The following ARHGAP23 variants were observed in gnomAD, a reference collection of about 807,000 sequenced individuals.
The protein encoded by ARHGAP23 is rho GTPase-activating protein 23.
A neutral mutation model predicts 136.3 loss-of-function variants in ARHGAP23; 34 were observed. The observed-to-expected ratio is 0.25, with a 90% confidence interval of 0.19 to 0.33. The LOEUF (loss-of-function observed/expected upper bound fraction) is 0.33. ARHGAP23 is among the 10% of genes least tolerant of loss of function. The pLI, the probability that ARHGAP23 is intolerant of heterozygous loss-of-function variation, is 1.00. For missense variants in ARHGAP23, 1,808 were observed against 2,139.0 expected, an observed-to-expected ratio of 0.85 and a Z score of 3.05; for synonymous variants, 832 against 920.5, an observed-to-expected ratio of 0.90 and a Z score of 1.74.
At chr17:38,440,643 C>A (rs2038900166) in intron 1 of ARHGAP23, among the ~76,000 whole-genome samples, 1 of 152,210 alleles carries the variant, frequency 6.6e-6, no homozygotes, top group African/African-American at 2.4e-5. Flanking sequence ...CTTGGTGGCA[C>A]CCAGTGAACA....
Position 38,511,260 on chromosome 17 carries a change from C to T in ARHGAP23, c.*288C>T, listed in dbSNP as rs1313947824. The T allele has an allele frequency of 5.4e-6, 2 of 370,352 alleles. No homozygotes were observed. The highest frequency in any genetic ancestry group is 4.8e-6 in the Non-Finnish European group (1 of 208,672). 22.9% of individuals were successfully genotyped at this position (370,352 alleles called of 1,614,324 possible). ...GCACACATGCGCCCGATAGGTCCTT[C>T]TGAGCCTTTCTGTGGCTGCACTTGG... On this transcript the variant is annotated 3_prime_UTR_variant, in exon 24 of 24. Transcript: ENST00000622683.
At position 38,497,765 on chromosome 17, in the gene ARHGAP23, T is replaced by C; in HGVS notation, c.3277-20T>C. Reference sequence around the variant, plus strand: ...TCTTTCCCATGCTGATTTCATCCCTTCCTTTTGTCTTCTCTGCAGTCAGAC... The same window carrying C: ...TCTTTCCCATGCTGATTTCATCCCTCCCTTTTGTCTTCTCTGCAGTCAGAC... On this transcript the variant is annotated intron_variant, in intron 20 of 23. Coordinates refer to ENST00000622683, the MANE Select transcript of ARHGAP23 (RefSeq NM_001199417.2). 1 of 1,550,328 alleles carries C rather than the reference T, an allele frequency of 6.5e-7. No individual in the cohort carries two copies. The highest frequency in any genetic ancestry group is 8.7e-7 in the Non-Finnish European group (1 of 1,146,310).
intron 19 of ARHGAP23, 40 bp from the exon 20 acceptor site, chr17:38,491,367 G>C (rs1254292960): frequency 6.5e-7 from 1 of 1,549,458 alleles, no homozygotes; most frequent in East Asian, 2.4e-5. Flanking sequence ...GAGGACTGAG[G>C]TCAGGATGTT....
chr17:38,493,981 T>G (rs2040334564), intron 20 of ARHGAP23, among the ~76,000 whole-genome samples: 1 of 152,008 alleles, frequency 6.6e-6, no homozygotes, highest in Non-Finnish European at 1.5e-5. Flanking sequence ...TCAGCACTAG[T>G]GAGCGCTGGG....
chr17:38,488,079 AT>A (rs951313149), intron 17 of ARHGAP23, among the ~76,000 whole-genome samples: 119 of 150,976 alleles, frequency 7.9e-4, no homozygotes, highest in African/African-American at 2.7e-3. Context: ...TTAAAAAAAA[AT>A]TTTTTTTGGT....
upstream of ARHGAP23, among the ~76,000 whole-genome samples, chr17:38,423,948 C>T (rs532360038): frequency 6.6e-6 from 1 of 152,282 alleles, no homozygotes; most frequent in African/African-American, 2.4e-5. Context: ...TTTCAGCTCA[C>T]AGAGTTTTTC....
intron 1 of ARHGAP23, among the ~76,000 whole-genome samples, chr17:38,448,685 A>C (rs899380501): frequency 3.8e-5 from 5 of 130,880 alleles, no homozygotes; most frequent in Admixed American, 9.0e-5. Flanking sequence ...TTGGTCCGTC[A>C]CCCAGGCTGG....
intron 1 of ARHGAP23, among the ~76,000 whole-genome samples, chr17:38,446,020 CTT>C (rs56071314): frequency 0.2 from 28,457 of 139,428 alleles, 3,597 homozygotes; most frequent in East Asian, 0.44. Flanking sequence ...AAATATCTTT[CTT>C]TTTTTTTTTT....
At chr17:38,467,374 C>A in intron 7 of ARHGAP23, 43 bp downstream of exon 7, 2 of 1,446,860 alleles carry the variant, frequency 1.4e-6, no homozygotes, top group South Asian at 3.0e-5. Context: ...ACTTAGCTGT[C>A]GGCTGTCTGT....
intron 1 of ARHGAP23, among the ~76,000 whole-genome samples, chr17:38,420,953 G>A (rs2038514670): frequency 6.6e-6 from 1 of 152,152 alleles, no homozygotes. Context: ...AGGGCTAGGG[G>A]CCACTACTGC....
At chr17:38,450,735 G>T (rs962908241) in intron 1 of ARHGAP23, 3 of 152,136 alleles carry the variant, frequency 2.0e-5, no homozygotes, top group African/African-American at 7.2e-5. Context: ...TGAAAAACGG[G>T]TATCAAAAAA....
intron 14 of ARHGAP23, 139 bp downstream of exon 14, chr17:38,480,022 G>A (rs560346683): frequency 9.6e-5 from 122 of 1,274,204 alleles, no homozygotes; most frequent in South Asian, 3.8e-4. Context: ...GTCTGTCTGC[G>A]TGTGCATGCC....
Position 38,510,188 on chromosome 17 carries a change from C to G in ARHGAP23, c.3692C>G (p.Pro1231Arg). The G allele has an allele frequency of 1.5e-6, 2 of 1,349,794 alleles. No homozygotes were observed. The highest frequency in any genetic ancestry group is 1.9e-6 in the Non-Finnish European group (2 of 1,053,104). 83.6% of individuals were successfully genotyped at this position (1,349,794 alleles called of 1,614,324 possible). ...CCCGAGGCCCCCGGACGCCTCAGTCCCCCGGCGGCGCCGGAGGAGCGGCCG... is the reference window on the plus strand; with the variant it reads ...CCCGAGGCCCCCGGACGCCTCAGTCGCCCGGCGGCGCCGGAGGAGCGGCCG... ...VAPEAPGRLSPPAAPEERPAA... is the reference protein window; with the variant it reads ...VAPEAPGRLSRPAAPEERPAA... The change falls in exon 24 of 24, where the codon CCC becomes CGC. Residue 1231 changes from proline (P) to arginine (R), a missense_variant. Pro to Arg is a moderately radical substitution (Grantham distance 103). Around this residue, in one of 7 missense-constraint regions of ARHGAP23, gnomAD observed 506 missense variants for 455.8 expected, o/e 1.11. Coordinates refer to ENST00000622683, the MANE Select transcript of ARHGAP23 (RefSeq NM_001199417.2). The surrounding 1 kb of genome is among the most constrained non-coding windows in gnomAD (Gnocchi z 4.6).
chr17:38,472,289 C>T (rs751709043), intron 11 of ARHGAP23, among the ~76,000 whole-genome samples: 33 of 152,172 alleles, frequency 2.2e-4, no homozygotes, highest in Non-Finnish European at 4.3e-4. Context: ...CTTGACAGGC[C>T]ATCCTGAAGA....
chr17:38,470,072 C>T (rs1479010102), intron 10 of ARHGAP23, among the ~76,000 whole-genome samples, 168 bp downstream of exon 10: 1 of 152,216 alleles, frequency 6.6e-6, no homozygotes, highest in Non-Finnish European at 1.5e-5. Context: ...CCGCCCTCTG[C>T]TGTGGGCCCC....
intron 14 of ARHGAP23, among the ~76,000 whole-genome samples, chr17:38,480,740 G>A (rs2040018143): frequency 6.8e-6 from 1 of 147,438 alleles, no homozygotes; most frequent in East Asian, 2.0e-4. Flanking sequence ...GGAGGTGGAG[G>A]TTGCAGTGAG....
chr17:38,506,654 C>T (rs1450342125), intron 23 of ARHGAP23, among the ~76,000 whole-genome samples: 3 of 152,140 alleles, frequency 2.0e-5, no homozygotes, highest in African/African-American at 7.2e-5. Context: ...GAAAAGAGAG[C>T]GCAAGAGAGC....
At position 38,461,866 on chromosome 17, in the gene ARHGAP23, GACTTGTGTGTGCTGC is replaced by G. The variant is rs1264492647; in HGVS notation, c.253+937_253+951del. Among the ~76,000 whole-genome samples the G allele has an allele frequency of 1.7e-4, 26 of 152,198 alleles. 1 individual carries two copies. The highest frequency in any genetic ancestry group is 1.7e-3 in the Admixed American group (26 of 15,284). ...TATGGCGCCCTTTCCTCTGTCTCGT[GACTTGTGTGTGCTGC>G]ACATGTGTGTGTGAGAATCTGCCTC... is the stretch of plus-strand genomic sequence containing the variant. On this transcript the variant is annotated intron_variant, in intron 3 of 23. Coordinates refer to ENST00000622683, the MANE Select transcript of ARHGAP23 (RefSeq NM_001199417.2).
rs187294262 is a variant in ARHGAP23 at position 38,436,467 on chromosome 17, G to T, written c.63+7919G>T. Among the ~76,000 whole-genome samples the T allele has an allele frequency of 3.0e-3, 456 of 152,320 alleles. 4 individuals are homozygous for T. Among genetic ancestry groups the T allele is most frequent in the Non-Finnish European group, 5.6e-3 (379 of 68,016 alleles). Reference sequence around the variant, plus strand: ...TCAGCCGGGGGCAGGAGAAGGCCCTGATCCCAGCATGGGAGGCCCAGGGCT... The same window carrying T: ...TCAGCCGGGGGCAGGAGAAGGCCCTTATCCCAGCATGGGAGGCCCAGGGCT... On this transcript the variant is annotated intron_variant, in intron 1 of 23. Transcript: ENST00000622683.
Sources: gnomAD v4.1 joint callset for allele counts (sites outside exome capture counted in the v4.1 genomes callset) on GRCh38, gnomAD v4.1.1 for gene constraint, gnomAD v4.1.1 regional missense constraint, Gnocchi (gnomAD v3.1) non-coding constraint, MANE v1.5 for transcripts, NCBI Gene and HGNC (gene_info 2026-07-23, HGNC 2026-07-21) for gene names.